VTCN1: variants seen among roughly 807,000 people sequenced by gnomAD.
VTCN1 encodes V-set domain-containing T-cell activation inhibitor 1.
In VTCN1, 26 loss-of-function variants were observed where a neutral mutation model predicts 26.5. The observed-to-expected ratio is 0.98, with a 90% CI of 0.72 to 1.36. The LOEUF (loss-of-function observed/expected upper bound fraction) is 1.36. Among genes scored for constraint, VTCN1 ranks in the 40% most tolerant of loss-of-function variants. VTCN1 has a pLI of 0.00. For missense variants in VTCN1, 298 were observed against 337.7 expected, an observed-to-expected ratio of 0.88 and a Z score of 0.92; for synonymous variants, 116 against 130.7, an observed-to-expected ratio of 0.89 and a Z score of 0.77.
intron 3 of VTCN1, among the ~76,000 whole-genome samples, chr1:117,154,783 C>CAAAAAAAA (rs916361996): frequency 1.3e-4 from 5 of 39,820 alleles, no homozygotes; most frequent in Admixed American, 2.6e-4. Flanking sequence ...AACTCCATCT[C>CAAAAAAAA]AAAAAAAAAA....
chr1:117,154,714 C>G (rs1335556410), intron 3 of VTCN1, among the ~76,000 whole-genome samples: 1 of 143,956 alleles, frequency 6.9e-6, no homozygotes, highest in African/African-American at 2.6e-5. Context: ...ACCTGGGAGG[C>G]GCAGGTTGCT....
intron 3 of VTCN1, among the ~76,000 whole-genome samples, chr1:117,154,686 G>T (rs1180302452): frequency 1.3e-5 from 2 of 151,536 alleles, no homozygotes; most frequent in African/African-American, 4.9e-5. Context: ...GGGAGGCTGA[G>T]GCAGGAGAAT....
At chr1:117,154,822 G>GA (rs1268133836) in intron 3 of VTCN1, among the ~76,000 whole-genome samples, 13 of 139,718 alleles carry the variant, frequency 9.3e-5, no homozygotes, top group Non-Finnish European at 1.6e-4. Context: ...AGAAAAAAAA[G>GA]AAAAAACGGA....
chr1:117,203,821 C>A (rs772326988), intron 1 of VTCN1: 1 of 980,512 alleles, frequency 1.0e-6, no homozygotes, highest in Non-Finnish European at 1.2e-6. Flanking sequence ...GGTCTTGTTA[C>A]GCCACAGATT....
chr1:117,198,957 C>T (rs955694438), intron 1 of VTCN1, among the ~76,000 whole-genome samples: 11 of 152,132 alleles, frequency 7.2e-5, no homozygotes, highest in African/African-American at 2.4e-4. Flanking sequence ...TATGGGAGGG[C>T]ATTCCTGGAA....
chr1:117,182,417 G>C (rs1432545808), intron 1 of VTCN1, among the ~76,000 whole-genome samples: 1 of 152,212 alleles, frequency 6.6e-6, no homozygotes, highest in East Asian at 1.9e-4. Flanking sequence ...GCTATGTAGA[G>C]CTTGTGAGAA....
chr1:117,162,970 G>A (rs1253922095), intron 2 of VTCN1, among the ~76,000 whole-genome samples: 1 of 152,192 alleles, frequency 6.6e-6, no homozygotes, highest in Non-Finnish European at 1.5e-5. Flanking sequence ...CAGTAGCATA[G>A]AGAGCATGCT....
In VTCN1 at chr1:117,175,224, A is replaced by G. The variant is rs985027938; in HGVS notation, c.33-5053T>C. Among the ~76,000 whole-genome samples, 5 of 152,254 alleles carry G rather than the reference A, an allele frequency of 3.3e-5. No individual in the cohort carries two copies. Among genetic ancestry groups the G allele is most frequent in the African/African-American group, 9.6e-5 (4 of 41,478 alleles). On this transcript the variant is annotated intron_variant, in intron 1 of 5. Transcript: ENST00000369458. This position sits in a 1 kb window ranked among gnomAD's most constrained non-coding sequence, Gnocchi z 4.2. ...ATAGGCTTAAAGGCAGAGCGCTCGA[A>G]ACCTATGCGACTTTGTAATTAGTCT... is the stretch of plus-strand genomic sequence containing the variant.
chr1:117,174,519 C>T (rs1441625442), intron 1 of VTCN1, among the ~76,000 whole-genome samples: 1 of 152,200 alleles, frequency 6.6e-6, no homozygotes, highest in East Asian at 1.9e-4. Flanking sequence ...GTAATCCCAG[C>T]ACTTTGGGAG....
chr1:117,183,154 C>T lies in VTCN1; in HGVS notation c.33-12983G>A, dbSNP rs1647758316. Among the ~76,000 whole-genome samples the T allele has an allele frequency of 6.6e-6, 1 of 152,172 alleles. No homozygotes were observed. The highest frequency in any genetic ancestry group is 1.5e-5 in the Non-Finnish European group (1 of 68,034). ...AACCTGTGACTACTTTCTCCCATCT[C>T]CCGTCACCTCCACACTCCATCCATT... On this transcript the variant is annotated intron_variant, in intron 1 of 5. Transcript: ENST00000369458. This position sits in a 1 kb window ranked among gnomAD's most constrained non-coding sequence, Gnocchi z 4.1.
intron 1 of VTCN1, among the ~76,000 whole-genome samples, chr1:117,174,740 T>A (rs910246746): frequency 3.3e-5 from 5 of 152,014 alleles, no homozygotes; most frequent in African/African-American, 9.7e-5. Flanking sequence ...TAGGAAGAAT[T>A]TAAACCCAGG....
chr1:117,206,675 G>C (rs1649089928), intron 1 of VTCN1, among the ~76,000 whole-genome samples: 2 of 1,928 alleles, frequency 1.0e-3, no homozygotes, highest in Non-Finnish European at 5.8e-3. Context: ...CATATCTGTT[G>C]ATGCTGACTA....
chr1:117,191,573 G>A (rs573504083), intron 1 of VTCN1, among the ~76,000 whole-genome samples: 7 of 152,050 alleles, frequency 4.6e-5, no homozygotes, highest in African/African-American at 9.7e-5. Flanking sequence ...ACCTGAGGTC[G>A]GGAGTTTGAG....
At chr1:117,174,566 A>C (rs994070581) in intron 1 of VTCN1, among the ~76,000 whole-genome samples, 2 of 152,232 alleles carry the variant, frequency 1.3e-5, no homozygotes, top group Admixed American at 1.3e-4. Context: ...CAGGAGTTCA[A>C]GACCAGCCCG....
In VTCN1 at chr1:117,156,912, G is replaced by C. The variant is rs1461449339; in HGVS notation, c.107C>G (p.Ser36Cys). 6.2e-7 allele frequency: 1 copy of C among 1,614,050 alleles called. No homozygotes were observed. Among genetic ancestry groups the C allele is most frequent in the East Asian group, 2.2e-5 (1 of 44,878 alleles). ...TGAGGCGACAGTAGTGACTGTGATG[G>C]AGTGTCTCCCTGCAGTTCAGGAAGC... ...IIGFGISGRH[S>C]ITVTTVASAG... The change falls in exon 3 of 6, where the codon TCC (serine) becomes TGC (cysteine). Residue 36 changes from serine (S) to cysteine (C), a missense_variant. By Grantham distance (112) the Ser-to-Cys change is moderately radical. Coordinates refer to ENST00000369458, the MANE Select transcript of VTCN1 (RefSeq NM_024626.4).
At chr1:117,190,352 T>C (rs917365994) in intron 1 of VTCN1, among the ~76,000 whole-genome samples, 1 of 152,170 alleles carries the variant, frequency 6.6e-6, no homozygotes, top group Non-Finnish European at 1.5e-5. Context: ...CCCATCCATG[T>C]CTGCAGAGGT....
intron 1 of VTCN1, among the ~76,000 whole-genome samples, chr1:117,201,492 A>G (rs1295245673): frequency 5.9e-5 from 9 of 152,146 alleles, no homozygotes; most frequent in Admixed American, 4.6e-4. Context: ...CTTTCCCTGC[A>G]TGCATCCCAC....
At position 117,175,201 on chromosome 1, in the gene VTCN1, A is replaced by G. The variant is rs577373220; in HGVS notation, c.33-5030T>C. Among the ~76,000 whole-genome samples the G allele has an allele frequency of 2.0e-5, 3 of 152,362 alleles. No individual in the cohort carries two copies. Among genetic ancestry groups the G allele is most frequent in the African/African-American group, 7.2e-5 (3 of 41,586 alleles). ...GGTAACAGGCCTTATGGGGGAAAATAGGCTTAAAGGCAGAGCGCTCGAAAC... is the reference window on the plus strand; with the variant it reads ...GGTAACAGGCCTTATGGGGGAAAATGGGCTTAAAGGCAGAGCGCTCGAAAC... On this transcript the variant is annotated intron_variant, in intron 1 of 5. Coordinates refer to ENST00000369458, the MANE Select transcript of VTCN1 (RefSeq NM_024626.4). This position sits in a 1 kb window ranked among gnomAD's most constrained non-coding sequence, Gnocchi z 4.2.
chr1:117,169,107 G>A lies in VTCN1; in HGVS notation c.97+1000C>T, dbSNP rs1367662780. 1.3e-5 allele frequency among the ~76,000 whole-genome samples: 2 copies of A among 152,130 alleles called. No individual in the cohort carries two copies. Among genetic ancestry groups the A allele is most frequent in the Admixed American group, 6.5e-5 (1 of 15,280 alleles). Reference sequence around the variant, plus strand: ...CAGACTGAGTTAAAATGAATGTGTTGGACTGAGTCAGGTGGTTTATGAAAA... The same window carrying A: ...CAGACTGAGTTAAAATGAATGTGTTAGACTGAGTCAGGTGGTTTATGAAAA... On this transcript the variant is annotated intron_variant, in intron 2 of 5. Transcript: ENST00000369458. The surrounding 1 kb of genome is among the most constrained non-coding windows in gnomAD (Gnocchi z 4.0).
Sources: gnomAD v4.1 joint callset for allele counts (sites outside exome capture counted in the v4.1 genomes callset) on GRCh38, gnomAD v4.1.1 for gene constraint, Gnocchi (gnomAD v3.1) non-coding constraint, MANE v1.5 for transcripts, NCBI Gene and HGNC (gene_info 2026-07-23, HGNC 2026-07-21) for gene names.